The following GKAP1 variants were observed in gnomAD, a reference collection of about 807,000 sequenced individuals.
The protein encoded by GKAP1 is G kinase anchoring protein 1.
GKAP1 carries 31 observed loss-of-function variants against 56.7 expected under a neutral mutation model. That is an observed-to-expected ratio of 0.55 (90% confidence interval 0.41 to 0.74). GKAP1 has a LOEUF of 0.74. GKAP1 is among the 30% of genes least tolerant of loss of function. GKAP1 has a pLI of 0.00. For synonymous variants in GKAP1, 151 were observed against 138.6 expected (o/e 1.09, Z -0.63); for missense variants, 364 against 402.3 (o/e 0.90, Z 0.82).
intron 3 of GKAP1, 94 bp from the exon 4 acceptor site, chr9:83,799,422 T>G: frequency 1.1e-6 from 1 of 880,202 alleles, no homozygotes; most frequent in Non-Finnish European, 1.7e-6. Context: ...GATATTTTTA[T>G]ACTTCTACTG....
chr9:83,809,289 G>A (rs1384509524), intron 2 of GKAP1, among the ~76,000 whole-genome samples: 1 of 152,142 alleles, frequency 6.6e-6, no homozygotes, highest in African/African-American at 2.4e-5. Flanking sequence ...TAGGCCTTGG[G>A]GTAGCCAGGA....
chr9:83,789,414 A>T (rs1265570886), intron 4 of GKAP1, among the ~76,000 whole-genome samples: 2 of 152,200 alleles, frequency 1.3e-5, no homozygotes, highest in Non-Finnish European at 2.9e-5. Context: ...ACTACTGGGC[A>T]TAAGGTGAGT....
intron 5 of GKAP1, 45 bp downstream of exon 5, chr9:83,788,555 AC>A: frequency 9.0e-7 from 1 of 1,105,078 alleles, no homozygotes; most frequent in Non-Finnish European, 1.3e-6. Context: ...TTAACCTCTC[AC>A]CACTTAAACT....
intron 9 of GKAP1, among the ~76,000 whole-genome samples, chr9:83,752,002 C>G (rs184148188): frequency 6.6e-6 from 1 of 152,134 alleles, no homozygotes; most frequent in Admixed American, 6.5e-5. Flanking sequence ...AGCAAGGACT[C>G]AGATACTTAT....
intron 10 of GKAP1, 78 bp downstream of exon 10, chr9:83,748,231 A>G: frequency 2.1e-6 from 2 of 935,128 alleles, no homozygotes; most frequent in Non-Finnish European, 3.3e-6. Context: ...TTGAGTTGGT[A>G]AATCACACAT....
At chr9:83,748,619 C>T (rs977287195) in intron 9 of GKAP1, 4 of 245,462 alleles carry the variant, frequency 1.6e-5, no homozygotes, top group Non-Finnish European at 1.5e-5. Context: ...GTGGAGAAAA[C>T]TCAAGATAAT....
At chr9:83,813,044 T>C (rs1944534187) in intron 2 of GKAP1, among the ~76,000 whole-genome samples, 1 of 152,226 alleles carries the variant, frequency 6.6e-6, no homozygotes, top group Admixed American at 6.5e-5. Context: ...TTTTAAAAGA[T>C]ACTATATTTC....
intron 7 of GKAP1, 67 bp from the exon 8 acceptor site, chr9:83,769,037 C>A: frequency 7.9e-7 from 1 of 1,258,412 alleles, no homozygotes; most frequent in South Asian, 1.3e-5. Flanking sequence ...TACACCTAGT[C>A]AACCACAAGA....
At chr9:83,811,968 C>T (rs545002974) in intron 2 of GKAP1, among the ~76,000 whole-genome samples, 6 of 151,034 alleles carry the variant, frequency 4.0e-5, no homozygotes, top group African/African-American at 1.2e-4. Context: ...AAAGGTACAA[C>T]GACCAGTACT....
At chr9:83,769,056 G>A in intron 7 of GKAP1, 86 bp from the exon 8 acceptor site, 1 of 1,003,840 alleles carries the variant, frequency 1.0e-6, no homozygotes, top group Non-Finnish European at 1.5e-6. Flanking sequence ...GAAGGGATAT[G>A]CATTTAGTAC....
intron 4 of GKAP1, among the ~76,000 whole-genome samples, chr9:83,796,062 T>A (rs989476547): frequency 6.6e-6 from 1 of 152,166 alleles, no homozygotes; most frequent in Non-Finnish European, 1.5e-5. Flanking sequence ...ACGCTTAAAT[T>A]TGGTGTTCTT....
chr9:83,812,291 GTA>G (rs903850328), intron 2 of GKAP1, among the ~76,000 whole-genome samples: 7 of 141,534 alleles, frequency 4.9e-5, no homozygotes, highest in Non-Finnish European at 9.1e-5. Flanking sequence ...ACATATATAC[GTA>G]TATATATACG....
At chr9:83,799,425 T>A (rs1944297093) in intron 3 of GKAP1, 97 bp from the exon 4 acceptor site, 1 of 855,988 alleles carries the variant, frequency 1.2e-6, no homozygotes. Flanking sequence ...ATTTTTATAC[T>A]TCTACTGAAA....
intron 10 of GKAP1, among the ~76,000 whole-genome samples, chr9:83,745,176 G>A (rs868122491): frequency 2.0e-5 from 3 of 151,960 alleles, no homozygotes; most frequent in African/African-American, 2.4e-5. Context: ...GACCATAGGC[G>A]TGCACCACCA....
At chr9:83,809,974 A>G (rs547410442) in intron 2 of GKAP1, among the ~76,000 whole-genome samples, 1 of 151,800 alleles carries the variant, frequency 6.6e-6, no homozygotes, top group African/African-American at 2.4e-5. Flanking sequence ...TGCCTGGCTA[A>G]TTTTTTCTAT....
chr9:83,805,463 TA>T lies in GKAP1; in HGVS notation c.216+838del, dbSNP rs999692280. Among the ~76,000 whole-genome samples the T allele has an allele frequency of 8.0e-4, 85 of 106,406 alleles. No individual in the cohort carries two copies. In the South Asian group the frequency reaches 8.0e-3, roughly 10 times the overall value. 69.8% of individuals were successfully genotyped at this position (106,406 alleles called of 152,430 possible). ...GCGAGAAACACCCAAGAATGATCAA[TA>T]AAAAAAATAAAAAATAAAAAAAAAA... On this transcript the variant is annotated intron_variant, in intron 3 of 12. Coordinates refer to ENST00000376371, the MANE Select transcript of GKAP1 (RefSeq NM_025211.4).
At chr9:83,793,939 T>C (rs1944203285) in intron 4 of GKAP1, among the ~76,000 whole-genome samples, 4 of 152,090 alleles carry the variant, frequency 2.6e-5, no homozygotes, top group Non-Finnish European at 5.9e-5. Context: ...AGCTGAGGTA[T>C]GTGGACTGCT....
intron 12 of GKAP1, among the ~76,000 whole-genome samples, chr9:83,741,705 T>C (rs144519956): frequency 1.0e-3 from 156 of 152,316 alleles, no homozygotes; most frequent in African/African-American, 3.6e-3. Context: ...TATGATTCAA[T>C]GGCATGTATG....
At chr9:83,788,469 A>G (rs1944101166) in intron 5 of GKAP1, 132 bp downstream of exon 5, 1 of 550,880 alleles carries the variant, frequency 1.8e-6, no homozygotes, top group African/African-American at 1.9e-5. Context: ...ACTTCTTGGT[A>G]ATATTTTATT....
Sources: allele counts gnomAD v4.1 joint callset (sites outside exome capture counted in the v4.1 genomes callset), GRCh38; gene constraint gnomAD v4.1.1; transcripts MANE v1.5; gene names NCBI Gene and HGNC (gene_info 2026-07-23, HGNC 2026-07-21).